The following TENM1 variants were observed in gnomAD, a reference collection of about 807,000 sequenced individuals.
The protein encoded by TENM1 is teneurin-1.
Under a neutral mutation model 174.8 loss-of-function variants are expected in TENM1, and 35 were observed. That is an observed-to-expected ratio of 0.20 (90% CI 0.15 to 0.27). TENM1 has a LOEUF of 0.27. Ranked by LOEUF, TENM1 falls within the 10% of genes least tolerant of loss-of-function variation. The probability of loss-of-function intolerance (pLI) is 1.00; values close to 1 mark genes in which losing one functional copy is unlikely to be tolerated. For synonymous variants in TENM1, 781 were observed against 798.7 expected (o/e 0.98, Z 0.37); for missense variants, 1,633 against 2,130.1 (o/e 0.77, Z 4.59).
chrX:124,511,243 A>C (rs1476475471), intron 18 of TENM1, among the ~76,000 whole-genome samples: 1 of 112,048 alleles, frequency 8.9e-6, no homozygotes, highest in Non-Finnish European at 1.9e-5. Flanking sequence ...GGTGACAATA[A>C]ACTGGTTTTT....
chrX:124,746,690 G>A (rs967675829), intron 3 of TENM1, among the ~76,000 whole-genome samples: 1 of 111,812 alleles, frequency 8.9e-6, no homozygotes, highest in Non-Finnish European at 1.9e-5. Context: ...CTTTTCACAT[G>A]TAGCCTCAAA....
chrX:125,204,098 G>C, the TENM1 span: 2 of 113,433 alleles, frequency 1.8e-5, no homozygotes, highest in African/African-American at 3.2e-5. Context: ...CTTGCGCCCA[G>C]GGTCCTATGT....
the TENM1 span, among the ~76,000 whole-genome samples, chrX:125,161,957 T>C: frequency 8.9e-6 from 1 of 111,965 alleles, no homozygotes; most frequent in African/African-American, 3.2e-5. Flanking sequence ...CTTTTGCCAG[T>C]GATTGGCTAA....
intron 23 of TENM1, among the ~76,000 whole-genome samples, chrX:124,425,453 G>A (rs1264994873): frequency 9.0e-6 from 1 of 111,554 alleles, no homozygotes; most frequent in Non-Finnish European, 1.9e-5. Flanking sequence ...TCATAAGGGT[G>A]GGGTCCCCAT....
intron 3 of TENM1, among the ~76,000 whole-genome samples, chrX:124,778,049 C>T (rs1016367232): frequency 1.8e-5 from 2 of 113,180 alleles, no homozygotes; most frequent in African/African-American, 6.4e-5. Flanking sequence ...CTTGTACTGT[C>T]TTGGTTTTCA....
chrX:125,033,097 A>G, the TENM1 span, among the ~76,000 whole-genome samples: 2 of 111,239 alleles, frequency 1.8e-5, no homozygotes, highest in African/African-American at 6.5e-5. Flanking sequence ...GATAATAACG[A>G]TAACACAATG....
chrX:124,962,030 T>C (rs765738141), intron 1 of TENM1, among the ~76,000 whole-genome samples: 39 of 111,534 alleles, frequency 3.5e-4, no homozygotes, highest in African/African-American at 1.3e-3. Flanking sequence ...TATGTGTGGT[T>C]GGGAGAATGG....
chrX:124,958,459 G>A (rs1204967268), intron 1 of TENM1, among the ~76,000 whole-genome samples: 1 of 111,663 alleles, frequency 9.0e-6, no homozygotes, highest in Non-Finnish European at 1.9e-5. Flanking sequence ...GAATGAAAAG[G>A]CGTTTAACCT....
At chrX:124,869,550 T>C (rs1355656991) in intron 3 of TENM1, among the ~76,000 whole-genome samples, 1 of 111,360 alleles carries the variant, frequency 9.0e-6, no homozygotes, top group African/African-American at 3.3e-5. Context: ...GTGTTTACAA[T>C]AGGTAAAATT....
the TENM1 span, among the ~76,000 whole-genome samples, chrX:124,971,891 C>T: frequency 8.9e-6 from 1 of 111,881 alleles, no homozygotes; most frequent in Non-Finnish European, 1.9e-5. Context: ...TATTAACTGT[C>T]TATTTATGGG....
intron 15 of TENM1, among the ~76,000 whole-genome samples, chrX:124,531,670 A>T (rs1415199157): frequency 1.8e-5 from 2 of 112,023 alleles, no homozygotes; most frequent in Non-Finnish European, 3.8e-5. Flanking sequence ...TATGTAAATC[A>T]TGGTTCTGAG....
intron 22 of TENM1, among the ~76,000 whole-genome samples, chrX:124,458,179 G>GGAAACTCTATATA (rs1332888791): frequency 4.0e-4 from 45 of 112,066 alleles, no homozygotes; most frequent in African/African-American, 1.4e-3. Flanking sequence ...GGTACTATAT[G>GGAAACTCTATATA]TGTGGTATAT....
At chrX:125,164,439 A>G in the TENM1 span, among the ~76,000 whole-genome samples, 2 of 111,998 alleles carry the variant, frequency 1.8e-5, no homozygotes, top group African/African-American at 6.5e-5. Context: ...CAGATTGTAG[A>G]TCTTCCTCAA....
At chrX:124,491,842 C>G (rs1265375670) in intron 20 of TENM1, among the ~76,000 whole-genome samples, 1 of 111,417 alleles carries the variant, frequency 9.0e-6, no homozygotes, top group South Asian at 3.8e-4. Flanking sequence ...CAAGGGACAT[C>G]TGGAATTACT....
At chrX:124,411,339 G>A (rs767503981) in intron 25 of TENM1, among the ~76,000 whole-genome samples, 2 of 107,162 alleles carry the variant, frequency 1.9e-5, no homozygotes, top group South Asian at 7.8e-4. Context: ...GTGTGTGTAT[G>A]TGTGTGTGTG....
the TENM1 span, among the ~76,000 whole-genome samples, chrX:125,165,370 T>A: frequency 1.8e-5 from 2 of 112,083 alleles, no homozygotes; most frequent in East Asian, 5.6e-4. Context: ...CACATGTATA[T>A]GCAGATCTGA....
chrX:124,379,391 T>C (rs899305495), exon 32 of TENM1: 3 of 112,579 alleles, frequency 2.7e-5, no homozygotes, highest in Non-Finnish European at 5.6e-5. Context: ...AGATGTTCAA[T>C]ACAGAATTGT....
intron 11 of TENM1, among the ~76,000 whole-genome samples, chrX:124,576,965 A>G (rs2858421): frequency 0.24 from 26,958 of 111,108 alleles, 2,439 homozygotes; most frequent in South Asian, 0.42. Flanking sequence ...AGATCTTCAA[A>G]TACACGTCTA....
At chrX:125,198,898 G>T in the TENM1 span, among the ~76,000 whole-genome samples, 1 of 110,338 alleles carries the variant, frequency 9.1e-6, no homozygotes, top group African/African-American at 3.3e-5. Flanking sequence ...GGGGAGTAGG[G>T]TGTAGAATTG....
Sources: gnomAD v4.1 joint callset for allele counts (sites outside exome capture counted in the v4.1 genomes callset) on GRCh38, gnomAD v4.1.1 for gene constraint, MANE v1.5 for transcripts, NCBI Gene and HGNC (gene_info 2026-07-23, HGNC 2026-07-21) for gene names.